NAV2: variants seen among roughly 807,000 people sequenced by gnomAD.
NAV2 encodes helicase, APC down-regulated 1.
A neutral mutation model predicts 223.2 loss-of-function variants in NAV2; 54 were observed. That is an observed-to-expected ratio of 0.24 (90% CI 0.19 to 0.30). NAV2 has a LOEUF of 0.30. Among genes scored for constraint, NAV2 ranks in the 10% least tolerant of loss-of-function variants. The probability of loss-of-function intolerance (pLI) is 1.00; values close to 1 mark genes in which losing one functional copy is unlikely to be tolerated. For synonymous variants in NAV2, 1,279 were observed against 1,239.3 expected, an observed-to-expected ratio of 1.03 and a Z score of -0.67; for missense variants, 2,806 against 3,147.5, an observed-to-expected ratio of 0.89 and a Z score of 2.60.
At chr11:19,427,879 T>A (rs952755749) in intron 1 of NAV2, among the ~76,000 whole-genome samples, 21 of 152,196 alleles carry the variant, frequency 1.4e-4, no homozygotes, top group Admixed American at 2.6e-4. Flanking sequence ...ACTTATTGAT[T>A]TCTTAAACTT....
intron 1 of NAV2, among the ~76,000 whole-genome samples, chr11:19,547,988 C>T (rs72895205): frequency 0.021 from 3,159 of 152,266 alleles, 95 homozygotes; most frequent in Non-Finnish European, 0.023. Flanking sequence ...GGAATCCCAG[C>T]CTGCAAGAGG....
chr11:19,856,277 A>G (rs2061402137), intron 3 of NAV2, among the ~76,000 whole-genome samples: 1 of 152,226 alleles, frequency 6.6e-6, no homozygotes, highest in African/African-American at 2.4e-5. Context: ...GATTTTGACC[A>G]TGCCTCTGAC....
Position 20,077,548 on chromosome 11 carries a change from C to T in NAV2, c.4984-4C>T, listed in dbSNP as rs1348536276. ...TATAACTGAGGTTGTGTCTTCCCCT[C>T]CAGGCTCACCTTGTGGCAGCCTTTG... On this transcript the variant is annotated splice_polypyrimidine_tract_variant and splice_region_variant and intron_variant, in intron 22 of 37. Coordinates refer to ENST00000349880, the MANE Select transcript of NAV2 (RefSeq NM_145117.5). 4 of 1,612,202 alleles carry T rather than the reference C, an allele frequency of 2.5e-6. No homozygotes were observed. In the South Asian group the frequency reaches 4.4e-5, roughly 18 times the overall value.
intron 1 of NAV2, among the ~76,000 whole-genome samples, chr11:19,642,078 C>T (rs1351030918): frequency 2.0e-5 from 3 of 152,030 alleles, no homozygotes; most frequent in Non-Finnish European, 4.4e-5. Context: ...TGTTTGTTGC[C>T]GAGATGGAAA....
intron 1 of NAV2, among the ~76,000 whole-genome samples, chr11:19,379,367 C>T (rs1226264267): frequency 1.2e-4 from 19 of 152,100 alleles, no homozygotes; most frequent in Admixed American, 1.2e-3. Flanking sequence ...TACTTGGGAG[C>T]AAGGGGGTGG....
chr11:19,710,334 G>A (rs1053607373), upstream of NAV2, among the ~76,000 whole-genome samples: 4 of 152,208 alleles, frequency 2.6e-5, no homozygotes, highest in Non-Finnish European at 5.9e-5. Context: ...TACTCGGAAA[G>A]CAGAATCTCA....
intron 1 of NAV2, among the ~76,000 whole-genome samples, chr11:19,480,867 G>A (rs927393343): frequency 6.6e-6 from 1 of 152,206 alleles, no homozygotes; most frequent in Non-Finnish European, 1.5e-5. Flanking sequence ...TTGTCTGTCT[G>A]TCTTTCTTTT....
intron 1 of NAV2, chr11:19,505,778 T>C (rs2043106666): frequency 6.6e-6 from 1 of 152,132 alleles, no homozygotes. Context: ...CCTTCCTATA[T>C]GTATGTTAGG....
At chr11:19,438,260 T>G (rs568358566) in intron 1 of NAV2, among the ~76,000 whole-genome samples, 2 of 152,312 alleles carry the variant, frequency 1.3e-5, no homozygotes, top group South Asian at 4.1e-4. Flanking sequence ...TGGGTACTAT[T>G]GTTATCCCAG....
At chr11:19,395,362 T>C (rs1388560174) in intron 1 of NAV2, among the ~76,000 whole-genome samples, 1 of 152,232 alleles carries the variant, frequency 6.6e-6, no homozygotes, top group Non-Finnish European at 1.5e-5. Flanking sequence ...TTTGAAGGCC[T>C]CCTTTGTGCA....
intron 3 of NAV2, 49 bp downstream of exon 3, chr11:19,842,972 G>A: frequency 1.3e-6 from 2 of 1,492,214 alleles, no homozygotes; most frequent in African/African-American, 1.4e-5. Context: ...AGCAAGCCCT[G>A]CCTCTAAGTG....
chr11:20,081,961 T>C (rs1400652154), intron 25 of NAV2, among the ~76,000 whole-genome samples: 2 of 152,212 alleles, frequency 1.3e-5, no homozygotes. Flanking sequence ...ATCCATTTCC[T>C]GCAACAGAGG....
intron 1 of NAV2, among the ~76,000 whole-genome samples, chr11:19,472,786 C>A (rs1259267245): frequency 9.2e-5 from 14 of 152,196 alleles, no homozygotes; most frequent in Admixed American, 9.2e-4. Flanking sequence ...GAAGATGAAG[C>A]ACTGCCTGAA....
intron 1 of NAV2, among the ~76,000 whole-genome samples, chr11:19,388,903 A>G (rs1849143267): frequency 6.6e-6 from 1 of 152,208 alleles, no homozygotes; most frequent in Non-Finnish European, 1.5e-5. Context: ...TTAAGTACCT[A>G]TCCCAGGCCA....
intron 1 of NAV2, among the ~76,000 whole-genome samples, chr11:19,650,849 T>A (rs907987191): frequency 1.3e-5 from 2 of 152,196 alleles, no homozygotes; most frequent in Admixed American, 6.5e-5. Flanking sequence ...ATTCCATCTG[T>A]ATGAAATTCC....
At chr11:20,043,008 C>T (rs533384287) in intron 12 of NAV2, among the ~76,000 whole-genome samples, 2 of 152,302 alleles carry the variant, frequency 1.3e-5, no homozygotes, top group Non-Finnish European at 2.9e-5. Context: ...CTAATTATAT[C>T]CCTTGTCAGA....
At chr11:19,800,987 G>T (rs1159771551) in intron 1 of NAV2, among the ~76,000 whole-genome samples, 5 of 152,172 alleles carry the variant, frequency 3.3e-5, no homozygotes, top group Admixed American at 2.6e-4. Flanking sequence ...TCCTCATGAG[G>T]TTGTTAGGAC....
intron 26 of NAV2, among the ~76,000 whole-genome samples, chr11:20,085,109 A>G (rs2060346948): frequency 6.6e-6 from 1 of 151,726 alleles, no homozygotes; most frequent in Non-Finnish European, 1.5e-5. Flanking sequence ...CAGGAGGGTC[A>G]CTTGAGCCCA....
chr11:19,629,127 C>T (rs970952725), intron 1 of NAV2, among the ~76,000 whole-genome samples: 1 of 152,084 alleles, frequency 6.6e-6, no homozygotes, highest in Non-Finnish European at 1.5e-5. Context: ...TGCAGCCTCC[C>T]GCTCTGCCTC....
Sources: allele counts gnomAD v4.1 joint callset (sites outside exome capture counted in the v4.1 genomes callset), GRCh38; gene constraint gnomAD v4.1.1; transcripts MANE v1.5; gene names NCBI Gene and HGNC (gene_info 2026-07-23, HGNC 2026-07-21).